Variants in CNTNAP2 observed in about 807,000 individuals in gnomAD.
The protein encoded by CNTNAP2 is contactin-associated protein-like 2.
CNTNAP2 carries 98 observed loss-of-function variants against 155.2 expected under a neutral mutation model. That is an observed-to-expected ratio of 0.63 (90% confidence interval 0.54 to 0.75). The LOEUF (loss-of-function observed/expected upper bound fraction) is 0.75, where lower values mean the gene tolerates loss of function less well. Ranked by LOEUF, CNTNAP2 falls within the 30% of genes least tolerant of loss-of-function variation. The pLI, the probability that CNTNAP2 is intolerant of heterozygous loss-of-function variation, is 0.00. For synonymous variants in CNTNAP2, 651 were observed against 631.2 expected (o/e 1.03, Z -0.47); for missense variants, 1,727 against 1,688.1 (o/e 1.02, Z -0.40).
chr7:147,306,824 A>C (rs1334142062), intron 9 of CNTNAP2, among the ~76,000 whole-genome samples: 1 of 152,200 alleles, frequency 6.6e-6, no homozygotes, highest in Non-Finnish European at 1.5e-5. Flanking sequence ...CTTGATATGC[A>C]GCACCATGGG....
At chr7:146,227,437 A>G (rs1470048365) in intron 1 of CNTNAP2, among the ~76,000 whole-genome samples, 2 of 151,384 alleles carry the variant, frequency 1.3e-5, no homozygotes, top group Non-Finnish European at 2.9e-5. Context: ...ACAAAAAAAA[A>G]AAAAAAAAAA....
chr7:147,411,613 T>C, intron 10 of CNTNAP2, among the ~76,000 whole-genome samples: 1 of 152,230 alleles, frequency 6.6e-6, no homozygotes, highest in East Asian at 1.9e-4. Flanking sequence ...TTAAGATTGC[T>C]GCTAGAACTC....
In CNTNAP2 at chr7:147,067,096, T is replaced by C. The variant is rs6945283; in HGVS notation, c.550+23042T>C. On this transcript the variant is annotated intron_variant, in intron 4 of 23. Transcript: ENST00000361727. ...TCACGAGGTCAAGAGACCGAGGCCA[T>C]CCTGGCCAACATGGTGAAACCCCAT... is the stretch of plus-strand genomic sequence containing the variant. Among the ~76,000 whole-genome samples the C allele has an allele frequency of 6.4e-3, 967 of 152,090 alleles. 9 individuals carry two copies. Among genetic ancestry groups the C allele is most frequent in the African/African-American group, 0.022 (905 of 41,518 alleles).
intron 8 of CNTNAP2, among the ~76,000 whole-genome samples, chr7:147,182,137 A>G (rs1285170356): frequency 4.0e-5 from 6 of 151,580 alleles, no homozygotes; most frequent in Admixed American, 1.3e-4. Flanking sequence ...AAAAAAAAAA[A>G]AAAAAAAAAG....
intron 21 of CNTNAP2, among the ~76,000 whole-genome samples, chr7:148,324,623 C>T (rs1410201057): frequency 6.6e-6 from 1 of 151,988 alleles, no homozygotes; most frequent in East Asian, 1.9e-4. Flanking sequence ...CATGGCAAAA[C>T]CCCATCTCTA....
intron 3 of CNTNAP2, among the ~76,000 whole-genome samples, chr7:146,937,993 G>A (rs757233442): frequency 6.6e-6 from 1 of 152,124 alleles, no homozygotes; most frequent in Non-Finnish European, 1.5e-5. Flanking sequence ...TTTCTTTCAG[G>A]AAGGGTATAT....
rs554254268 is a variant in CNTNAP2 at position 147,856,226 on chromosome 7, C to T, written c.2099-47339C>T. Reference sequence around the variant, plus strand: ...CTAGACCTTGGCTGCATTTTGGAATCACCTTTCTAGTCTCGAGCATAAAAT... The same window carrying T: ...CTAGACCTTGGCTGCATTTTGGAATTACCTTTCTAGTCTCGAGCATAAAAT... On this transcript the variant is annotated intron_variant, in intron 13 of 23. Coordinates refer to ENST00000361727, the MANE Select transcript of CNTNAP2 (RefSeq NM_014141.6). Among the ~76,000 whole-genome samples the T allele has an allele frequency of 7.2e-5, 11 of 152,162 alleles. No individual in the cohort carries two copies. In the South Asian group the frequency reaches 1.2e-3, roughly 17 times the overall value.
At chr7:146,837,227 A>G (rs1053619959) in intron 2 of CNTNAP2, among the ~76,000 whole-genome samples, 6 of 152,180 alleles carry the variant, frequency 3.9e-5, no homozygotes, top group Middle Eastern at 3.4e-3. Flanking sequence ...CTCACAACTT[A>G]CTGGAATAAC....
intron 18 of CNTNAP2, among the ~76,000 whole-genome samples, chr7:148,208,749 A>G (rs1795495886): frequency 6.6e-6 from 1 of 152,180 alleles, no homozygotes; most frequent in Non-Finnish European, 1.5e-5. Context: ...GAATTTCCCC[A>G]GTTAGATTGG....
chr7:147,681,611 G>T (rs1239463475), intron 13 of CNTNAP2, among the ~76,000 whole-genome samples: 1 of 151,862 alleles, frequency 6.6e-6, no homozygotes, highest in Non-Finnish European at 1.5e-5. Flanking sequence ...AAGGTTTTCT[G>T]AATTCGTGAA....
chr7:148,019,155 T>C (rs1449438420), intron 15 of CNTNAP2, among the ~76,000 whole-genome samples: 1 of 152,204 alleles, frequency 6.6e-6, no homozygotes, highest in Non-Finnish European at 1.5e-5. Flanking sequence ...AAAATCATTT[T>C]ACAAAGAATT....
At chr7:146,707,868 C>G (rs555243470) in intron 1 of CNTNAP2, among the ~76,000 whole-genome samples, 115 of 152,074 alleles carry the variant, frequency 7.6e-4, no homozygotes, top group African/African-American at 2.6e-3. Context: ...CAACTTGAGT[C>G]TTGATAACTG....
At chr7:147,982,292 C>T (rs911391736) in intron 15 of CNTNAP2, among the ~76,000 whole-genome samples, 5 of 96,898 alleles carry the variant, frequency 5.2e-5, no homozygotes, top group African/African-American at 2.1e-4. Context: ...TTTGTCAGAA[C>T]CATAGGAAAG....
chr7:147,359,819 C>A (rs968186630), intron 9 of CNTNAP2, among the ~76,000 whole-genome samples: 1 of 152,094 alleles, frequency 6.6e-6, no homozygotes, highest in Non-Finnish European at 1.5e-5. Flanking sequence ...CTGCCACCCA[C>A]CTCTCTACTC....
chr7:148,269,954 G>A (rs28496179), intron 21 of CNTNAP2, among the ~76,000 whole-genome samples: 54,233 of 151,878 alleles, frequency 0.36, 11,385 homozygotes, highest in East Asian at 0.6. Context: ...TATGATATTC[G>A]TAAAGTAACA....
intron 10 of CNTNAP2, among the ~76,000 whole-genome samples, chr7:147,443,618 TC>T (rs1797680762): frequency 6.6e-6 from 1 of 152,288 alleles, no homozygotes; most frequent in African/African-American, 2.4e-5. Flanking sequence ...GGCTTCTTGC[TC>T]TGCCCTCTAA....
intron 1 of CNTNAP2, among the ~76,000 whole-genome samples, chr7:146,135,915 C>G (rs1797790609): frequency 6.6e-6 from 1 of 152,040 alleles, no homozygotes; most frequent in Non-Finnish European, 1.5e-5. Context: ...AAGCTAATCT[C>G]AATTACCCAA....
At chr7:146,636,913 A>T (rs1230629107) in intron 1 of CNTNAP2, among the ~76,000 whole-genome samples, 1 of 152,184 alleles carries the variant, frequency 6.6e-6, no homozygotes, top group African/African-American at 2.4e-5. Flanking sequence ...ACTGAAATTG[A>T]CCCTACAGTC....
intron 5 of CNTNAP2, among the ~76,000 whole-genome samples, chr7:147,112,658 G>A (rs1273173184): frequency 6.6e-6 from 1 of 152,102 alleles, no homozygotes; most frequent in Non-Finnish European, 1.5e-5. Flanking sequence ...ATCTCTTTGT[G>A]TGATTAATCA....
Sources: allele counts gnomAD v4.1 joint callset (sites outside exome capture counted in the v4.1 genomes callset), GRCh38; gene constraint gnomAD v4.1.1; transcripts MANE v1.5; gene names NCBI Gene and HGNC (gene_info 2026-07-23, HGNC 2026-07-21).